Variants in SYT9 observed in about 807,000 individuals in gnomAD.
SYT9 encodes synaptotagmin-9.
Under a neutral mutation model 48.4 loss-of-function variants are expected in SYT9, and 22 were observed. The ratio of observed to expected loss-of-function variants is 0.45; its 90% CI spans 0.32 to 0.65. SYT9 has a LOEUF of 0.65. SYT9 is among the 30% of genes least tolerant of loss of function. The pLI is 0.03. For synonymous variants in SYT9, 265 were observed against 245.0 expected (o/e 1.08, Z -0.76); for missense variants, 577 against 622.0 (o/e 0.93, Z 0.77).
At chr11:7,412,099 T>G (rs4347369) in intron 3 of SYT9, among the ~76,000 whole-genome samples, 2,233 of 152,316 alleles carry the variant, frequency 0.015, 48 homozygotes, top group African/African-American at 0.049. Context: ...CTTTTCCAAT[T>G]TTCTGTATTG....
chr11:7,350,493 G>C (rs1849892538), intron 3 of SYT9, among the ~76,000 whole-genome samples: 1 of 152,180 alleles, frequency 6.6e-6, no homozygotes, highest in Admixed American at 6.5e-5. Flanking sequence ...CTGCCTACGT[G>C]CATTGATCTG....
chr11:7,335,313 G>T (rs1229531628), intron 3 of SYT9, among the ~76,000 whole-genome samples: 1 of 152,088 alleles, frequency 6.6e-6, no homozygotes, highest in East Asian at 1.9e-4. Context: ...TTTTAATAGT[G>T]TTCTTTAACT....
chr11:7,382,749 T>C (rs1320574230), intron 3 of SYT9, among the ~76,000 whole-genome samples: 1 of 152,172 alleles, frequency 6.6e-6, no homozygotes, highest in African/African-American at 2.4e-5. Flanking sequence ...GCTGAACATA[T>C]CATTGGCCAA....
At position 7,387,199 on chromosome 11, in the gene SYT9, C is replaced by T. The variant is rs544919163; in HGVS notation, c.1045-28843C>T. Among the ~76,000 whole-genome samples, 20 of 152,026 alleles carry T rather than the reference C, an allele frequency of 1.3e-4. No individual in the cohort carries two copies. In the South Asian group the frequency reaches 3.3e-3, roughly 25 times the overall value. Reference sequence around the variant, plus strand: ...GGGAGGGATAGCATTAGGAGATATACCTAATGTTAAATGACGAGTTAATGG... The same window carrying T: ...GGGAGGGATAGCATTAGGAGATATATCTAATGTTAAATGACGAGTTAATGG... On this transcript the variant is annotated intron_variant, in intron 3 of 6. Coordinates refer to ENST00000318881, the MANE Select transcript of SYT9 (RefSeq NM_175733.4).
At chr11:7,443,033 G>A (rs1160706609) in intron 6 of SYT9, among the ~76,000 whole-genome samples, 4 of 152,112 alleles carry the variant, frequency 2.6e-5, no homozygotes, top group Admixed American at 1.3e-4. Context: ...AATGAAAGAA[G>A]GAATGAGAAT....
At chr11:7,260,153 C>T (rs1210766671) in intron 1 of SYT9, among the ~76,000 whole-genome samples, 1 of 152,070 alleles carries the variant, frequency 6.6e-6, no homozygotes, top group Non-Finnish European at 1.5e-5. Flanking sequence ...GGGCATCTGT[C>T]ATTCAAAGAT....
chr11:7,280,084 T>G lies in SYT9; in HGVS notation c.146-22955T>G, dbSNP rs75898644. 7.3e-3 allele frequency among the ~76,000 whole-genome samples: 1,114 copies of G among 152,390 alleles called. 12 individuals are homozygous for G. The highest frequency in any genetic ancestry group is 0.018 in the Admixed American group (270 of 15,306). ...ATGTATCAGTACATCTGTAAACAACTAATTCTCCAGAATAGAAAAGGTATG... is the reference window on the plus strand; with the variant it reads ...ATGTATCAGTACATCTGTAAACAACGAATTCTCCAGAATAGAAAAGGTATG... On this transcript the variant is annotated intron_variant, in intron 1 of 6. Coordinates refer to ENST00000318881, the MANE Select transcript of SYT9 (RefSeq NM_175733.4).
chr11:7,417,338 A>G (rs1847271629), intron 4 of SYT9, among the ~76,000 whole-genome samples: 1 of 152,204 alleles, frequency 6.6e-6, no homozygotes, highest in Non-Finnish European at 1.5e-5. Context: ...GAAGAGCCCT[A>G]TCTGGAGCAG....
At chr11:7,380,980 T>C (rs922412578) in intron 3 of SYT9, among the ~76,000 whole-genome samples, 3 of 152,234 alleles carry the variant, frequency 2.0e-5, no homozygotes, top group Non-Finnish European at 2.9e-5. Context: ...GTACTTATTA[T>C]GCCTAGTGTG....
At chr11:7,274,565 A>G (rs1285792244) in intron 1 of SYT9, among the ~76,000 whole-genome samples, 1 of 152,024 alleles carries the variant, frequency 6.6e-6, no homozygotes, top group Non-Finnish European at 1.5e-5. Flanking sequence ...TGATCCACCC[A>G]CCTCAGCCTC....
At position 7,339,075 on chromosome 11, in the gene SYT9, A is replaced by G. The variant is rs987894489; in HGVS notation, c.1044+25134A>G. On this transcript the variant is annotated intron_variant, in intron 3 of 6. Transcript: ENST00000318881. Reference sequence around the variant, plus strand: ...GAATAATTAGGTCTTGTTAAATTGAACTCTTTACCAATATGTAATGACCTT... The same window carrying G: ...GAATAATTAGGTCTTGTTAAATTGAGCTCTTTACCAATATGTAATGACCTT... Among the ~76,000 whole-genome samples, 102 of 150,558 alleles carry G rather than the reference A, an allele frequency of 6.8e-4. 1 individual carries two copies. The highest frequency in any genetic ancestry group is 2.3e-3 in the African/African-American group (95 of 40,904).
rs143783375 is a variant in SYT9 at position 7,313,519 on chromosome 11, T to C, written c.622T>C (p.Leu208=). Residue 208 remains leucine, a synonymous_variant, in exon 3 of 7, where the codon TTG becomes CTG. Transcript: ENST00000318881. ...IKPELYKQRS[L]DNDDGRRSNS... Reference sequence around the variant, plus strand: ...ACCAGAGTTATATAAGCAGAGGTCATTGGATAATGATGACGGGAGACGGAG... The same window carrying C: ...ACCAGAGTTATATAAGCAGAGGTCACTGGATAATGATGACGGGAGACGGAG... The C allele has an allele frequency of 6.8e-6, 11 of 1,614,012 alleles. No homozygotes were observed. The highest frequency in any genetic ancestry group is 9.3e-6 in the Non-Finnish European group (11 of 1,180,004).
At chr11:7,440,193 T>G (rs752515048) in intron 6 of SYT9, 3 of 152,062 alleles carry the variant, frequency 2.0e-5, no homozygotes, top group Non-Finnish European at 4.4e-5. Context: ...GCCACTCCAT[T>G]TGTTTTCACA....
chr11:7,298,588 C>T (rs964596502), intron 1 of SYT9, among the ~76,000 whole-genome samples: 2 of 152,026 alleles, frequency 1.3e-5, no homozygotes, highest in East Asian at 3.9e-4. Flanking sequence ...TTTTCTCATC[C>T]ATGTGAGTAT....
intron 1 of SYT9, among the ~76,000 whole-genome samples, chr11:7,288,015 A>G (rs567715636): frequency 1.3e-5 from 2 of 152,010 alleles, no homozygotes; most frequent in East Asian, 3.9e-4. Flanking sequence ...CCCAGTAGAG[A>G]GAAGCATCAT....
intron 6 of SYT9, among the ~76,000 whole-genome samples, chr11:7,465,277 A>G (rs938128995): frequency 4.4e-4 from 67 of 152,208 alleles, no homozygotes; most frequent in African/African-American, 1.6e-3. Context: ...GCCACGGGTC[A>G]CAATCAAACG....
In SYT9 at chr11:7,340,706, A is replaced by T. The variant is rs565690401; in HGVS notation, c.1044+26765A>T. Among the ~76,000 whole-genome samples the T allele has an allele frequency of 1.1e-4, 17 of 152,314 alleles. No individual in the cohort carries two copies. In the South Asian group the frequency reaches 3.3e-3, roughly 30 times the overall value. The stretch of plus-strand genomic sequence containing the variant: ...TGCCTGCAGACTCTCTAGAGCCTGG[A>T]GACAGCAAGGGTGATGGCTGCAAGA... On this transcript the variant is annotated intron_variant, in intron 3 of 6. Transcript: ENST00000318881.
intron 3 of SYT9, among the ~76,000 whole-genome samples, chr11:7,360,464 T>C (rs1443749752): frequency 6.6e-6 from 1 of 152,214 alleles, no homozygotes; most frequent in Non-Finnish European, 1.5e-5. Flanking sequence ...TTTCACGATA[T>C]TGATTCTTCC....
At chr11:7,291,691 GA>G (rs35813527) in intron 1 of SYT9, among the ~76,000 whole-genome samples, 2,851 of 146,162 alleles carry the variant, frequency 0.02, 69 homozygotes, top group African/African-American at 0.066. Context: ...GTGCTCTGGG[GA>G]AAAAAAAAAA....
Sources: gnomAD v4.1 joint callset for allele counts (sites outside exome capture counted in the v4.1 genomes callset) on GRCh38, gnomAD v4.1.1 for gene constraint, MANE v1.5 for transcripts, NCBI Gene and HGNC (gene_info 2026-07-23, HGNC 2026-07-21) for gene names.